The following MDN1 variants were observed in gnomAD, a reference collection of about 807,000 sequenced individuals.
The protein encoded by MDN1 is midasin.
MDN1 carries 266 observed loss-of-function variants against 669.2 expected under a neutral mutation model. The observed-to-expected ratio is 0.40, with a 90% confidence interval of 0.36 to 0.44. The LOEUF (loss-of-function observed/expected upper bound fraction) is 0.44, where lower values mean the gene tolerates loss of function less well. Ranked by LOEUF, MDN1 falls within the 20% of genes least tolerant of loss-of-function variation. The probability of loss-of-function intolerance (pLI) is 1.00; values close to 1 mark genes in which losing one functional copy is unlikely to be tolerated. For synonymous variants in MDN1, 2,385 were observed against 2,457.1 expected (o/e 0.97, Z 0.87); for missense variants, 5,940 against 6,754.0 (o/e 0.88, Z 4.22).
At chr6:89,699,324 A>G (rs1812980028) in intron 58 of MDN1, among the ~76,000 whole-genome samples, 1 of 152,238 alleles carries the variant, frequency 6.6e-6, no homozygotes, top group South Asian at 2.1e-4. Flanking sequence ...CTCTCACAAT[A>G]TATTTTTGAG....
chr6:89,789,565 CA>C (rs2128326286), intron 7 of MDN1, among the ~76,000 whole-genome samples: 1 of 152,232 alleles, frequency 6.6e-6, no homozygotes, highest in Admixed American at 6.5e-5. Flanking sequence ...ACAGCACAAC[CA>C]AAATTTTATA....
intron 74 of MDN1, 62 bp downstream of exon 74, chr6:89,680,527 G>A: frequency 1.3e-6 from 2 of 1,566,434 alleles, no homozygotes; most frequent in South Asian, 1.2e-5. Flanking sequence ...CACATTCTCA[G>A]CCCTCCTGCG....
intron 63 of MDN1, among the ~76,000 whole-genome samples, chr6:89,691,765 T>C (rs1342659698): frequency 6.6e-6 from 1 of 152,234 alleles, no homozygotes; most frequent in Non-Finnish European, 1.5e-5. Flanking sequence ...TACTAGTGGT[T>C]TGTTGTACAT....
rs989129822 is a variant in MDN1, at chr6:89,656,605, T to A, written c.15285+95A>T. The stretch of plus-strand genomic sequence containing the variant: ...GCAACAACAACAAAAAAACCAGGAG[T>A]ATAGCTTTTTTTTTTTTTTTTTAAA... On this transcript the variant is annotated intron_variant, in intron 91 of 101. Transcript: ENST00000369393. 3 of 971,618 alleles carry A rather than the reference T, an allele frequency of 3.1e-6. No homozygotes were observed. The East Asian group carries it at 7.6e-5, about 24-fold the overall frequency. The allele number at this position is 971,618 out of a possible 1,614,324, so 60.2% of individuals were successfully genotyped here.
Position 89,794,196 on chromosome 6 carries a change from T to C in MDN1, c.566A>G (p.Asn189Ser), listed in dbSNP as rs772129087. The C allele has an allele frequency of 9.5e-6, 15 of 1,579,740 alleles. No homozygotes were observed. Among genetic ancestry groups the C allele is most frequent in the Admixed American group, 1.9e-5 (1 of 52,808 alleles). ...CATACAGGTAACCAAAGCAAGACAA[T>C]TGGCTGTATACCTAGGGAAAAAGAA... ...HDTLVRWYTA[N>S]CLALVTCMNE... The change falls in exon 4 of 102, where the codon AAT becomes AGT. Residue 189 changes from asparagine (N) to serine (S), a missense_variant. Physicochemically the swap from Asn to Ser is conservative, Grantham distance 46. Transcript: ENST00000369393.
intron 2 of MDN1, among the ~76,000 whole-genome samples, chr6:89,801,196 G>C (rs977632944): frequency 1.3e-5 from 2 of 152,162 alleles, no homozygotes; most frequent in Non-Finnish European, 2.9e-5. Flanking sequence ...AGGAATTCAA[G>C]ACCAGCCTGG....
intron 97 of MDN1, 55 bp from the exon 98 acceptor site, chr6:89,648,384 C>A: frequency 2.0e-6 from 3 of 1,517,844 alleles, no homozygotes; most frequent in South Asian, 1.1e-5. Flanking sequence ...TAAACCAGAG[C>A]CTCTCAACTA....
chr6:89,744,118 A>AC (rs1211687389), intron 29 of MDN1, among the ~76,000 whole-genome samples: 33 of 146,068 alleles, frequency 2.3e-4, no homozygotes, highest in East Asian at 4.1e-4. Context: ...AAAAAAAAAA[A>AC]AAAAAAAAAA....
intron 34 of MDN1, among the ~76,000 whole-genome samples, chr6:89,731,743 T>C (rs1815609298): frequency 6.6e-6 from 1 of 152,002 alleles, no homozygotes; most frequent in African/African-American, 2.4e-5. Context: ...AACCCGCATA[T>C]TCGGTTTCTC....
In MDN1 at chr6:89,760,078, A is replaced by T. The variant is rs536598549; in HGVS notation, c.2461-1118T>A. On this transcript the variant is annotated intron_variant, in intron 17 of 101. Coordinates refer to ENST00000369393, the MANE Select transcript of MDN1 (RefSeq NM_014611.3). ...CAGAGTCAGACTCTGTCTCAAAAAA[A>T]AATAATAATAATAATTCTGATGACC... Among the ~76,000 whole-genome samples the T allele has an allele frequency of 8.7e-4, 132 of 151,992 alleles. No homozygotes were observed. In the East Asian group the frequency reaches 8.9e-3, roughly 10 times the overall value.
chr6:89,751,220 A>T (rs560210813), intron 23 of MDN1, among the ~76,000 whole-genome samples: 2 of 152,346 alleles, frequency 1.3e-5, no homozygotes, highest in East Asian at 3.9e-4. Flanking sequence ...AGATAAAATC[A>T]TCTGCATCCA....
Position 89,721,160 on chromosome 6 carries a change from C to T in MDN1, c.5967+1795G>A, listed in dbSNP as rs370525390. 5.0e-4 allele frequency among the ~76,000 whole-genome samples: 76 copies of T among 152,246 alleles called. 2 individuals are homozygous for T. In the South Asian group the frequency reaches 0.013, roughly 26 times the overall value. ...CTCAAAAAAAATAAGAACAGCTTTT[C>T]GAGGTAGGAGTCGACTCCTGTGAGG... is the stretch of plus-strand genomic sequence containing the variant. On this transcript the variant is annotated intron_variant, in intron 40 of 101. Transcript: ENST00000369393.
intron 78 of MDN1, 36 bp downstream of exon 78, chr6:89,675,428 C>A (rs775150232): frequency 1.9e-6 from 3 of 1,566,452 alleles, no homozygotes; most frequent in Admixed American, 1.7e-5. Context: ...TAATTCTTCC[C>A]AATTCATGCC....
At position 89,743,638 on chromosome 6, in the gene MDN1, G is replaced by A. The variant is rs150736634; in HGVS notation, c.4255C>T (p.His1419Tyr). The change falls in exon 30 of 102, where the codon CAC becomes TAC. Residue 1419 changes from histidine (H) to tyrosine (Y), a missense_variant. Physicochemically the swap from His to Tyr is moderately conservative, Grantham distance 83 (BLOSUM62 2). Around this residue, in one of 5 missense-constraint regions of MDN1, gnomAD observed 2,292 missense variants for 2,638.3 expected, o/e 0.87. Coordinates refer to ENST00000369393, the MANE Select transcript of MDN1 (RefSeq NM_014611.3). ...QKLYSVSCHL[H>Y]METSDFLGGL... The stretch of plus-strand genomic sequence containing the variant: ...CCCAGGAAGTCTGATGTCTCCATGT[G>A]TAAGTGGCAGCTGACAGAGTATAAT... 26 of 1,614,036 alleles carry A rather than the reference G, an allele frequency of 1.6e-5. No homozygotes were observed. The African/African-American group carries it at 2.8e-4, about 17-fold the overall frequency.
chr6:89,783,301 G>A lies in MDN1; in HGVS notation c.1450-1709C>T, dbSNP rs555184983. On this transcript the variant is annotated intron_variant, in intron 9 of 101. Coordinates refer to ENST00000369393, the MANE Select transcript of MDN1 (RefSeq NM_014611.3). ...CCGGGGGGGAGGTCTATAAATGGCCGCTCTGGGAATGCCTGTCTTATGCGG... is the reference window on the plus strand; with the variant it reads ...CCGGGGGGGAGGTCTATAAATGGCCACTCTGGGAATGCCTGTCTTATGCGG... Among the ~76,000 whole-genome samples, 59 of 152,190 alleles carry A rather than the reference G, an allele frequency of 3.9e-4. 3 individuals carry two copies. In the South Asian group the frequency reaches 0.011, roughly 28 times the overall value.
intron 100 of MDN1, among the ~76,000 whole-genome samples, chr6:89,645,985 A>G (rs1480037292): frequency 6.6e-6 from 1 of 152,216 alleles, no homozygotes; most frequent in Non-Finnish European, 1.5e-5. Flanking sequence ...TTAAAATATT[A>G]GAGAATACAG....
At chr6:89,686,876 G>C in intron 69 of MDN1, 26 bp downstream of exon 69, 1 of 1,611,712 alleles carries the variant, frequency 6.2e-7, no homozygotes, top group East Asian at 2.2e-5. Context: ...CTCTAAGTGG[G>C]CAGGAAATGT....
chr6:89,748,527 C>A (rs1030711437), intron 26 of MDN1, among the ~76,000 whole-genome samples: 8 of 152,112 alleles, frequency 5.3e-5, no homozygotes, highest in South Asian at 2.1e-4. Flanking sequence ...TTGCAGTTGA[C>A]TAGGGGGAGC....
chr6:89,748,763 A>G (rs1461645508), intron 26 of MDN1, among the ~76,000 whole-genome samples: 2 of 152,226 alleles, frequency 1.3e-5, no homozygotes, highest in East Asian at 3.9e-4. Flanking sequence ...AGCATTTAAA[A>G]GACCTCTACT....
Sources: allele counts gnomAD v4.1 joint callset (sites outside exome capture counted in the v4.1 genomes callset), GRCh38; gene constraint gnomAD v4.1.1; regional missense constraint gnomAD v4.1.1; transcripts MANE v1.5; gene names NCBI Gene and HGNC (gene_info 2026-07-23, HGNC 2026-07-21).